The following CHRNA9 variants were observed in gnomAD, a reference collection of about 807,000 sequenced individuals.
CHRNA9 encodes neuronal acetylcholine receptor subunit alpha-9.
Under a neutral mutation model 36.8 loss-of-function variants are expected in CHRNA9, and 24 were observed. The ratio of observed to expected loss-of-function variants is 0.65; its 90% CI spans 0.47 to 0.92. The LOEUF is 0.92. Ranked by LOEUF, CHRNA9 falls within the 40% of genes least tolerant of loss-of-function variation. The probability of loss-of-function intolerance (pLI) is 0.00; values close to 1 mark genes in which losing one functional copy is unlikely to be tolerated. For synonymous variants in CHRNA9, 231 were observed against 231.8 expected (o/e 1.00, Z 0.03); for missense variants, 610 against 601.2 (o/e 1.01, Z -0.15).
intron 3 of CHRNA9, chr4:40,347,642 T>A (rs536671618): frequency 6.6e-6 from 1 of 152,290 alleles, no homozygotes; most frequent in African/African-American, 2.4e-5. Context: ...AGTGCAGAAT[T>A]CCCTTATACC....
chr4:40,352,384 G>T (rs1712826502), intron 4 of CHRNA9, among the ~76,000 whole-genome samples: 1 of 151,988 alleles, frequency 6.6e-6, no homozygotes, highest in Non-Finnish European at 1.5e-5. Flanking sequence ...AATACACCCA[G>T]CTAATGTTTT....
intron 4 of CHRNA9, among the ~76,000 whole-genome samples, chr4:40,351,310 G>A (rs1712799103): frequency 6.8e-6 from 1 of 147,844 alleles, no homozygotes; most frequent in Non-Finnish European, 1.5e-5. Context: ...CCAACCTGGG[G>A]GACAGTGTGA....
In CHRNA9 at chr4:40,349,355, CT is replaced by C. The variant is rs757586143; in HGVS notation, c.840del (p.Val281TyrfsTer4). 3.1e-6 allele frequency: 5 copies of C among 1,614,122 alleles called. No homozygotes were observed. In the South Asian group the frequency reaches 5.5e-5, roughly 18 times the overall value. ...GGAGTGACCATCCTGTTGGCCATGA[CT>C]GTATTTCAGCTAATGGTGGCAGAAA... ...SLGVTILLAM[T>X]VFQLMVAEIM... On this transcript the variant is annotated frameshift_variant, in exon 4 of 5. Transcript: ENST00000310169. LOFTEE classifies it high-confidence loss of function.
At chr4:40,349,465 C>T in intron 4 of CHRNA9, 51 bp downstream of exon 4, 1 of 1,541,988 alleles carries the variant, frequency 6.5e-7, no homozygotes, top group Non-Finnish European at 8.8e-7. Flanking sequence ...TGCCTGGGGT[C>T]ATGCCTTTAA....
At chr4:40,342,161 G>A (rs1712516995) in intron 3 of CHRNA9, among the ~76,000 whole-genome samples, 1 of 152,180 alleles carries the variant, frequency 6.6e-6, no homozygotes, top group African/African-American at 2.4e-5. Context: ...TTTAAGGCCA[G>A]CTTATGTATC....
chr4:40,350,865 T>C (rs900315358), intron 4 of CHRNA9, among the ~76,000 whole-genome samples: 2 of 152,084 alleles, frequency 1.3e-5, no homozygotes, highest in Non-Finnish European at 2.9e-5. Flanking sequence ...TGAGGAAAGA[T>C]CATGGGGCGG....
chr4:40,347,225 C>T (rs559890714), intron 3 of CHRNA9, among the ~76,000 whole-genome samples: 4 of 152,124 alleles, frequency 2.6e-5, no homozygotes, highest in Non-Finnish European at 5.9e-5. Flanking sequence ...GAGTAGTGTA[C>T]ACTGTGCCCA....
Position 40,355,048 on chromosome 4 carries a change from C to T in CHRNA9, c.*528C>T, listed in dbSNP as rs1266271823. On this transcript the variant is annotated 3_prime_UTR_variant, in exon 5 of 5. Coordinates refer to ENST00000310169, the MANE Select transcript of CHRNA9 (RefSeq NM_017581.4). ...CATGTAAAGAAAGTCTAAGCATCAG[C>T]TGTTTAATGGGGAAAAGAACTTTCT... The T allele has an allele frequency of 6.5e-6, 1 of 152,794 alleles. No homozygotes were observed. The highest frequency in any genetic ancestry group is 2.4e-5 in the African/African-American group (1 of 41,436). 9.5% of individuals were successfully genotyped at this position (152,794 alleles called of 1,614,324 possible).
rs1424596767 is a variant in CHRNA9 at position 40,348,920 on chromosome 4, T to C, written c.404T>C (p.Val135Ala). ...DESSEPVNTN[V>A]VLRYDGLITW... Reference sequence around the variant, plus strand: ...TCTTCAGAGCCTGTGAACACCAATGTGGTCCTGCGGTATGATGGGCTGATC... The same window carrying C: ...TCTTCAGAGCCTGTGAACACCAATGCGGTCCTGCGGTATGATGGGCTGATC... The change falls in exon 4 of 5, where the codon GTG becomes GCG. Residue 135 changes from valine to alanine, a missense_variant. Transcript: ENST00000310169. 1.9e-6 allele frequency: 3 copies of C among 1,614,100 alleles called. No individual in the cohort carries two copies. In the South Asian group the frequency reaches 3.3e-5, roughly 18 times the overall value.
Position 40,337,292 on chromosome 4 carries a change from A to G in CHRNA9, c.293A>G (p.Gln98Arg), listed in dbSNP as rs1182259373. 1 of 1,614,238 alleles carries G rather than the reference A, an allele frequency of 6.2e-7. No homozygotes were observed. The highest frequency in any genetic ancestry group is 1.7e-5 in the Admixed American group (1 of 60,022). Residue 98 changes from glutamine (Q) to arginine (R), a missense_variant, in exon 3 of 5, where the codon CAG (glutamine) becomes CGG (arginine). Coordinates refer to ENST00000310169, the MANE Select transcript of CHRNA9 (RefSeq NM_017581.4). ...HDAYLTWDRD[Q>R]YDGLDSIRIP... ...GCCTATCTCACGTGGGACCGAGATC[A>G]GTACGATGGCCTAGACTCCATCAGG...
At position 40,335,955 on chromosome 4, in the gene CHRNA9, T is replaced by C. The variant is rs1712307809; in HGVS notation, c.193T>C (p.Ser65Pro). The C allele has an allele frequency of 6.2e-7, 1 of 1,613,178 alleles. No individual in the cohort carries two copies. The highest frequency in any genetic ancestry group is 1.1e-5 in the South Asian group (1 of 91,040). The change falls in exon 2 of 5, where the codon TCT (serine) becomes CCT (proline). Residue 65 changes from serine (S) to proline (P), a missense_variant. By Grantham distance (74) the Ser-to-Pro change is moderately conservative. Transcript: ENST00000310169. ...GAATGTGACCCTGCAGATTACGCTC[T>C]CTCAGATTAAGGATATGGTGAGTAA... Reference protein sequence around the residue: ...VLNVTLQITLSQIKDMDERNQ... With the variant: ...VLNVTLQITLPQIKDMDERNQ...
chr4:40,348,928 CG>C lies in CHRNA9; in HGVS notation c.414del (p.Tyr139MetfsTer4), dbSNP rs1560317995. 6.2e-7 allele frequency: 1 copy of C among 1,614,008 alleles called. No homozygotes were observed. On this transcript the variant is annotated frameshift_variant, in exon 4 of 5. Transcript: ENST00000310169. LOFTEE classifies it high-confidence loss of function. ...SEPVNTNVVLRYDGLITWDAP... is the reference protein window; with the variant it reads ...SEPVNTNVVLXYDGLITWDAP... Reference sequence around the variant, plus strand: ...GCCTGTGAACACCAATGTGGTCCTGCGGTATGATGGGCTGATCACCTGGGAT... The same window carrying C: ...GCCTGTGAACACCAATGTGGTCCTGCGTATGATGGGCTGATCACCTGGGAT...
chr4:40,354,173 A>G lies in CHRNA9; in HGVS notation c.1093A>G (p.Arg365Gly), dbSNP rs1712882857. 4 of 1,614,210 alleles carry G rather than the reference A, an allele frequency of 2.5e-6. No individual in the cohort carries two copies. In the South Asian group the frequency reaches 4.4e-5, roughly 18 times the overall value. The change falls in exon 5 of 5, where the codon AGA becomes GGA. Residue 365 changes from arginine (R) to glycine (G), a missense_variant. By Grantham distance (125) the Arg-to-Gly change is moderately radical. Transcript: ENST00000310169. ...GESCLSPHHS[R>G]ERDHLTKVYS... ...AAGCTGCCTCAGCCCGCACCACAGT[A>G]GAGAGCGGGACCACCTCACGAAAGT... is the stretch of plus-strand genomic sequence containing the variant.
At chr4:40,347,287 C>T (rs935278641) in intron 3 of CHRNA9, among the ~76,000 whole-genome samples, 3 of 152,102 alleles carry the variant, frequency 2.0e-5, no homozygotes, top group Non-Finnish European at 4.4e-5. Context: ...CCTGTTCTGA[C>T]CCAGCACATC....
chr4:40,345,332 G>A lies in CHRNA9; in HGVS notation c.366-3550G>A, dbSNP rs199583995. Reference sequence around the variant, plus strand: ...TTTGGGAAGCCAAGGTAGGAGGATCGTATGAGGCCAGGAGCTCAAGATCAG... The same window carrying A: ...TTTGGGAAGCCAAGGTAGGAGGATCATATGAGGCCAGGAGCTCAAGATCAG... On this transcript the variant is annotated intron_variant, in intron 3 of 4. Coordinates refer to ENST00000310169, the MANE Select transcript of CHRNA9 (RefSeq NM_017581.4). 2.6e-4 allele frequency among the ~76,000 whole-genome samples: 39 copies of A among 151,780 alleles called. No homozygotes were observed. In the East Asian group the frequency reaches 3.7e-3, roughly 14 times the overall value.
At chr4:40,345,883 G>A (rs1712624381) in intron 3 of CHRNA9, among the ~76,000 whole-genome samples, 1 of 152,180 alleles carries the variant, frequency 6.6e-6, no homozygotes, top group African/African-American at 2.4e-5. Flanking sequence ...AAATTAGCCA[G>A]GCATGGTGGC....
At chr4:40,351,953 A>G (rs1712814661) in intron 4 of CHRNA9, among the ~76,000 whole-genome samples, 1 of 152,182 alleles carries the variant, frequency 6.6e-6, no homozygotes, top group African/African-American at 2.4e-5. Flanking sequence ...TCACTTTTGG[A>G]ATCAAGGTCA....
Position 40,354,148 on chromosome 4 carries a change from A to C in CHRNA9, c.1068A>C (p.Glu356Asp), listed in dbSNP as rs374870751. 3.6e-5 allele frequency: 58 copies of C among 1,614,042 alleles called. No homozygotes were observed. The highest frequency in any genetic ancestry group is 4.7e-5 in the Non-Finnish European group (55 of 1,180,004). Residue 356 changes from glutamate (E) to aspartate (D), a missense_variant, in exon 5 of 5, where the codon GAA (glutamate) becomes GAC (aspartate). Physicochemically the swap from Glu to Asp is conservative, Grantham distance 45. Transcript: ENST00000310169. ...TCTTGTTTGTCTATGATGTGGGTGA[A>C]AGCTGCCTCAGCCCGCACCACAGTA... Reference protein sequence around the residue: ...SRVLFVYDVGESCLSPHHSRE... With the variant: ...SRVLFVYDVGDSCLSPHHSRE...
chr4:40,340,566 C>G (rs142492482), intron 3 of CHRNA9, among the ~76,000 whole-genome samples: 1 of 152,138 alleles, frequency 6.6e-6, no homozygotes, highest in Non-Finnish European at 1.5e-5. Flanking sequence ...ATGCCAGATA[C>G]AATATCATTG....
Sources: gnomAD v4.1 joint callset for allele counts (sites outside exome capture counted in the v4.1 genomes callset) on GRCh38, gnomAD v4.1.1 for gene constraint, MANE v1.5 for transcripts, NCBI Gene and HGNC (gene_info 2026-07-23, HGNC 2026-07-21) for gene names.